The following FAM20A variants were observed in gnomAD, a reference collection of about 807,000 sequenced individuals.
FAM20A encodes the protein pseudokinase FAM20A.
FAM20A carries 42 observed loss-of-function variants against 52.0 expected under a neutral mutation model. That is an observed-to-expected ratio of 0.81 (90% CI 0.63 to 1.04). The LOEUF is 1.04. Among genes scored for constraint, FAM20A ranks in the 50% least tolerant of loss-of-function variants. The pLI, the probability that FAM20A is intolerant of heterozygous loss-of-function variation, is 0.00. For synonymous variants in FAM20A, 304 were observed against 298.9 expected, an observed-to-expected ratio of 1.02 and a Z score of -0.18; for missense variants, 742 against 712.7, an observed-to-expected ratio of 1.04 and a Z score of -0.47.
Position 68,600,268 on chromosome 17 carries a change from C to G in FAM20A, c.399G>C (p.Trp133Cys), listed in dbSNP as rs760683180. ...LRYYRRKVAR[W>C]NRRHKMYREQ... is the part of the protein sequence containing the mutation. ...GTCCCGGGCGGGGTCCTCACCTGTTCCAGCGGGCCACCTTCCTCCGGTAAT... is the reference window on the plus strand; with the variant it reads ...GTCCCGGGCGGGGTCCTCACCTGTTGCAGCGGGCCACCTTCCTCCGGTAAT... Residue 133 changes from tryptophan to cysteine, a missense_variant, in exon 1 of 11, where the codon TGG becomes TGC. Coordinates refer to ENST00000592554, the MANE Select transcript of FAM20A (RefSeq NM_017565.4). The surrounding 1 kb of genome is among the most constrained non-coding windows in gnomAD (Gnocchi z 6.2). 9 of 1,563,870 alleles carry G rather than the reference C, an allele frequency of 5.8e-6. No homozygotes were observed. Among genetic ancestry groups the G allele is most frequent in the Non-Finnish European group, 6.9e-6 (8 of 1,154,788 alleles).
chr17:68,543,677 A>G lies in FAM20A; in HGVS notation c.764T>C (p.Ile255Thr), dbSNP rs113611824. ...CTCAGCATTGTGTCTCTGAAAGTCA[A>G]TGAAGTAGAAGAAGTCCACTGGTGT... is the stretch of plus-strand genomic sequence containing the variant. ...EETPVDFFYF[I>T]DFQRHNAEIA... The change falls in exon 5 of 11, where the codon ATT becomes ACT. Residue 255 changes from isoleucine (I) to threonine (T), a missense_variant. Transcript: ENST00000592554. 8.1e-5 allele frequency: 130 copies of G among 1,614,162 alleles called. 1 individual carries two copies. The East Asian group carries it at 1.1e-3, about 13-fold the overall frequency.
At chr17:68,567,924 C>A (rs2087425150) in intron 1 of FAM20A, among the ~76,000 whole-genome samples, 1 of 151,966 alleles carries the variant, frequency 6.6e-6, no homozygotes, top group Non-Finnish European at 1.5e-5. Flanking sequence ...CCTGCTTCTC[C>A]TTCACCTCCC....
intron 1 of FAM20A, among the ~76,000 whole-genome samples, chr17:68,584,124 G>T (rs138052484): frequency 8.6e-5 from 13 of 151,916 alleles, no homozygotes; most frequent in African/African-American, 3.1e-4. Context: ...TGAGACTAGC[G>T]TGACCAACAC....
At chr17:68,592,235 C>T (rs2088333806) in intron 1 of FAM20A, among the ~76,000 whole-genome samples, 1 of 152,260 alleles carries the variant, frequency 6.6e-6, no homozygotes. Flanking sequence ...TGAAAATAAG[C>T]AGCTACTGGT....
rs1555831892 is a variant in FAM20A at position 68,581,350 on chromosome 17, T to TTTTCTTCCTTTCTTTCTTTCTTTC, written c.404+18912_404+18913insGAAAGAAAGAAAGAAAGGAAGAAA. 4.3e-5 allele frequency among the ~76,000 whole-genome samples: 4 copies of TTTTCTTCCTTTCTTTCTTTCTTTC among 92,218 alleles called. No homozygotes were observed. In the Admixed American group the frequency reaches 4.9e-4, roughly 11 times the overall value. 60.5% of individuals were successfully genotyped at this position (92,218 alleles called of 152,430 possible). On this transcript the variant is annotated intron_variant, in intron 1 of 10. Transcript: ENST00000592554. ...TGAAAAGGTATCTCCGAAATGCAGT[T>TTTTCTTCCTTTCTTTCTTTCTTTC]TTTCTTTCTTTCTTTCTTTCTTTCT...
chr17:68,583,450 G>T (rs1010018129), intron 1 of FAM20A, among the ~76,000 whole-genome samples: 1 of 151,956 alleles, frequency 6.6e-6, no homozygotes, highest in Non-Finnish European at 1.5e-5. Context: ...CTCTACTCTC[G>T]GCCTTTGTGG....
intron 1 of FAM20A, among the ~76,000 whole-genome samples, chr17:68,577,858 A>C (rs2087817678): frequency 6.6e-6 from 1 of 152,236 alleles, no homozygotes; most frequent in Non-Finnish European, 1.5e-5. Context: ...TCAGACTTCT[A>C]CCAACCTAAC....
chr17:68,538,747 A>T (rs1293137486), intron 10 of FAM20A, among the ~76,000 whole-genome samples: 5 of 152,252 alleles, frequency 3.3e-5, no homozygotes, highest in Admixed American at 3.3e-4. Context: ...CTGCAAAAAT[A>T]GGTGATTATC....
intron 1 of FAM20A, among the ~76,000 whole-genome samples, chr17:68,581,081 T>C (rs1198909138): frequency 6.6e-6 from 1 of 152,196 alleles, no homozygotes; most frequent in Non-Finnish European, 1.5e-5. Flanking sequence ...TGGATAACTT[T>C]TAAAACGTCT....
intron 5 of FAM20A, among the ~76,000 whole-genome samples, chr17:68,543,110 G>T (rs2086383096): frequency 6.6e-6 from 1 of 152,146 alleles, no homozygotes; most frequent in South Asian, 2.1e-4. Flanking sequence ...TAATGTTCCT[G>T]TGAGTCACCT....
At chr17:68,544,171 C>A (rs901467107) in intron 4 of FAM20A, among the ~76,000 whole-genome samples, 6 of 152,040 alleles carry the variant, frequency 3.9e-5, no homozygotes, top group African/African-American at 1.4e-4. Flanking sequence ...CCCAGAAATG[C>A]AACTTAGTAT....
chr17:68,553,686 T>C (rs1297551730), intron 3 of FAM20A, among the ~76,000 whole-genome samples: 2 of 151,846 alleles, frequency 1.3e-5, no homozygotes, highest in East Asian at 1.9e-4. Context: ...CCCCTGGGGG[T>C]GGAGGCTAGG....
chr17:68,565,786 C>T (rs999997932), intron 1 of FAM20A, among the ~76,000 whole-genome samples: 9 of 152,110 alleles, frequency 5.9e-5, no homozygotes, highest in Non-Finnish European at 4.4e-5. Context: ...CTGATATTCA[C>T]GACCTCAGTC....
chr17:68,594,918 T>C (rs2088413198), intron 1 of FAM20A, among the ~76,000 whole-genome samples: 1 of 152,222 alleles, frequency 6.6e-6, no homozygotes, highest in Non-Finnish European at 1.5e-5. Context: ...TACGGGGCCT[T>C]AATTACATCT....
chr17:68,550,848 T>C (rs1434927074), intron 4 of FAM20A, among the ~76,000 whole-genome samples: 1 of 152,210 alleles, frequency 6.6e-6, no homozygotes, highest in Non-Finnish European at 1.5e-5. Context: ...CTCCAACCCC[T>C]TCTTTAAGGA....
intron 3 of FAM20A, among the ~76,000 whole-genome samples, 186 bp from the exon 4 acceptor site, chr17:68,552,137 A>G (rs1600568579): frequency 6.6e-6 from 1 of 152,240 alleles, no homozygotes; most frequent in Admixed American, 6.5e-5. Flanking sequence ...GACGGTGTCC[A>G]GGGGCTCAAG....
At chr17:68,579,706 C>A (rs749573721) in intron 1 of FAM20A, among the ~76,000 whole-genome samples, 1 of 152,166 alleles carries the variant, frequency 6.6e-6, no homozygotes, top group Non-Finnish European at 1.5e-5. Context: ...CACACACTGA[C>A]TCAGGGACCC....
chr17:68,568,195 C>T (rs557466206), intron 1 of FAM20A, among the ~76,000 whole-genome samples: 2 of 151,886 alleles, frequency 1.3e-5, no homozygotes, highest in Non-Finnish European at 2.9e-5. Flanking sequence ...AACGGCTGGG[C>T]GCAGTGGCTC....
rs369421603 is a variant in FAM20A, at chr17:68,600,142, C to T, written c.404+121G>A. The T allele has an allele frequency of 5.1e-4, 619 of 1,208,516 alleles. 4 individuals carry two copies. In the African/African-American group the frequency reaches 8.7e-3, roughly 17 times the overall value. The allele number at this position is 1,208,516 out of a possible 1,614,324, so 74.9% of individuals were successfully genotyped here. A position where few individuals can be genotyped will look rare whatever the true frequency, so the allele number is the denominator to read the frequency against. ...ACACACTCTAAGCCCAGCGCCAGGG[C>T]TGGAGCCGTGGGTGGAGCCGCTGCA... On this transcript the variant is annotated intron_variant, in intron 1 of 10. Transcript: ENST00000592554. This position sits in a 1 kb window ranked among gnomAD's most constrained non-coding sequence, Gnocchi z 6.2.
Sources: allele counts gnomAD v4.1 joint callset (sites outside exome capture counted in the v4.1 genomes callset), GRCh38; gene constraint gnomAD v4.1.1; non-coding constraint Gnocchi (gnomAD v3.1); transcripts MANE v1.5; gene names NCBI Gene and HGNC (gene_info 2026-07-23, HGNC 2026-07-21).